Variants in CTNNA2 observed in about 807,000 individuals in gnomAD.
CTNNA2 encodes the protein catenin alpha-2.
CTNNA2 carries 42 observed loss-of-function variants against 101.0 expected under a neutral mutation model. The observed-to-expected ratio is 0.42, with a 90% CI of 0.32 to 0.54. The LOEUF is 0.54. Ranked by LOEUF, CTNNA2 falls within the 20% of genes least tolerant of loss-of-function variation. CTNNA2 has a pLI of 0.14. For missense variants in CTNNA2, 871 were observed against 1,223.1 expected (o/e 0.71, Z 4.29); for synonymous variants, 450 against 456.4 (o/e 0.99, Z 0.18).
At chr2:80,093,943 C>G (rs1699968347) in intron 7 of CTNNA2, among the ~76,000 whole-genome samples, 1 of 151,880 alleles carries the variant, frequency 6.6e-6, no homozygotes, top group South Asian at 2.1e-4. Context: ...AATTTTCTCC[C>G]ATTCTGTAGG....
At chr2:79,376,293 G>T (rs1677974009) in intron 4 of CTNNA2, among the ~76,000 whole-genome samples, 1 of 152,070 alleles carries the variant, frequency 6.6e-6, no homozygotes, top group Non-Finnish European at 1.5e-5. Flanking sequence ...AGCAACGGTG[G>T]GCTGTCCCCA....
At chr2:80,189,535 G>A (rs1326422256) in intron 7 of CTNNA2, among the ~76,000 whole-genome samples, 1 of 152,208 alleles carries the variant, frequency 6.6e-6, no homozygotes, top group Non-Finnish European at 1.5e-5. Flanking sequence ...CAGGACAGTA[G>A]CATTGAGTTC....
chr2:80,434,146 A>G (rs536684155), intron 9 of CTNNA2, among the ~76,000 whole-genome samples: 1 of 152,356 alleles, frequency 6.6e-6, no homozygotes, highest in African/African-American at 2.4e-5. Context: ...AAAAGCATCA[A>G]AGCTAATATT....
intron 3 of CTNNA2, among the ~76,000 whole-genome samples, chr2:79,766,229 C>T (rs758047889): frequency 6.6e-5 from 10 of 152,126 alleles, no homozygotes; most frequent in Admixed American, 4.6e-4. Context: ...TAATGCGGTC[C>T]GTGAGCTTTT....
chr2:80,037,510 T>G (rs1194995338), intron 7 of CTNNA2, among the ~76,000 whole-genome samples: 2 of 152,174 alleles, frequency 1.3e-5, no homozygotes, highest in Admixed American at 6.5e-5. Context: ...TTAATGACAT[T>G]AATAGCTTGA....
At chr2:80,049,428 C>G (rs926153260) in intron 7 of CTNNA2, among the ~76,000 whole-genome samples, 1 of 152,196 alleles carries the variant, frequency 6.6e-6, no homozygotes, top group Admixed American at 6.5e-5. Context: ...CAGTGCTCAA[C>G]AAGTAAAAAT....
At chr2:79,632,510 G>A (rs1183987390) in intron 1 of CTNNA2, among the ~76,000 whole-genome samples, 7 of 152,168 alleles carry the variant, frequency 4.6e-5, no homozygotes, top group Admixed American at 4.6e-4. Flanking sequence ...ATTTACCTAT[G>A]CTAATAAATC....
rs182119766 is a variant in CTNNA2, at chr2:79,592,664, A to G, written c.-5-58888A>G. Among the ~76,000 whole-genome samples, 322 of 152,278 alleles carry G rather than the reference A, an allele frequency of 2.1e-3. 3 individuals are homozygous for G. The highest frequency in any genetic ancestry group is 7.5e-3 in the African/African-American group (311 of 41,550). On this transcript the variant is annotated intron_variant, in intron 1 of 18. Transcript: ENST00000402739. ...AACCTGGCTTGTGGCATGTAATGCT[A>G]TATTAATTTTTGTATGCATCCAGTG... is the stretch of plus-strand genomic sequence containing the variant.
intron 2 of CTNNA2, among the ~76,000 whole-genome samples, chr2:79,212,065 G>C (rs1002645625): frequency 4.6e-5 from 7 of 152,148 alleles, no homozygotes; most frequent in African/African-American, 1.7e-4. Context: ...AGAATTGGGA[G>C]GACCCAGAAC....
intron 2 of CTNNA2, among the ~76,000 whole-genome samples, chr2:79,706,309 G>A (rs773359563): frequency 3.4e-5 from 5 of 146,958 alleles, no homozygotes; most frequent in Non-Finnish European, 7.4e-5. Flanking sequence ...CTTGCAGTGA[G>A]CCGAGATCAC....
intron 4 of CTNNA2, among the ~76,000 whole-genome samples, chr2:79,488,178 C>T (rs977208994): frequency 7.9e-5 from 12 of 151,834 alleles, no homozygotes; most frequent in South Asian, 4.2e-4. Flanking sequence ...ATTAGCTGAC[C>T]GTGGTGGCGC....
Position 79,565,578 on chromosome 2 carries a change from T to C in CTNNA2, c.-6+52371T>C, listed in dbSNP as rs532716895. 1.8e-3 allele frequency among the ~76,000 whole-genome samples: 268 copies of C among 152,274 alleles called. 1 individual carries two copies. The highest frequency in any genetic ancestry group is 6.2e-3 in the African/African-American group (258 of 41,560). Reference sequence around the variant, plus strand: ...GTAGGCTGGAAACTCGCAGAAGTATTTAAGCAATTATTCAGGAGGTAGATA... The same window carrying C: ...GTAGGCTGGAAACTCGCAGAAGTATCTAAGCAATTATTCAGGAGGTAGATA... On this transcript the variant is annotated intron_variant, in intron 1 of 18. Coordinates refer to ENST00000402739, the MANE Select transcript of CTNNA2 (RefSeq NM_001282597.3).
At chr2:79,879,447 A>T (rs544705625) in intron 6 of CTNNA2, among the ~76,000 whole-genome samples, 10 of 152,150 alleles carry the variant, frequency 6.6e-5, no homozygotes, top group Non-Finnish European at 1.3e-4. Flanking sequence ...CTTCCTATCC[A>T]TGAGGTTGGA....
At chr2:80,226,660 G>A (rs1057411882) in intron 7 of CTNNA2, among the ~76,000 whole-genome samples, 7 of 152,006 alleles carry the variant, frequency 4.6e-5, no homozygotes, top group East Asian at 1.9e-4. Context: ...TTTTTCCCTC[G>A]AGCTTGAATT....
At chr2:80,014,964 G>A (rs1558729801) in intron 7 of CTNNA2, among the ~76,000 whole-genome samples, 1 of 152,106 alleles carries the variant, frequency 6.6e-6, no homozygotes, top group African/African-American at 2.4e-5. Context: ...GATGTGGGGT[G>A]GTCAAAATTA....
intron 9 of CTNNA2, among the ~76,000 whole-genome samples, chr2:80,472,179 G>A (rs1685361429): frequency 6.6e-6 from 1 of 152,114 alleles, no homozygotes; most frequent in Non-Finnish European, 1.5e-5. Flanking sequence ...TGCAGATAAG[G>A]GTGGGGCTTG....
intron 3 of CTNNA2, among the ~76,000 whole-genome samples, chr2:79,756,839 T>C (rs944310194): frequency 6.6e-6 from 1 of 152,158 alleles, no homozygotes; most frequent in Non-Finnish European, 1.5e-5. Flanking sequence ...TCATTTGTGA[T>C]TGGGGAAATG....
intron 1 of CTNNA2, among the ~76,000 whole-genome samples, chr2:79,645,636 A>C (rs1389425549): frequency 2.6e-5 from 4 of 152,168 alleles, no homozygotes; most frequent in Non-Finnish European, 5.9e-5. Flanking sequence ...TGAGATTTCC[A>C]GTGGCATCCC....
chr2:80,081,016 G>T lies in CTNNA2; in HGVS notation c.1056+171219G>T, dbSNP rs974851917. On this transcript the variant is annotated intron_variant, in intron 7 of 18. Coordinates refer to ENST00000402739, the MANE Select transcript of CTNNA2 (RefSeq NM_001282597.3). The stretch of plus-strand genomic sequence containing the variant: ...CAGATACATGGGACATACTTTATAC[G>T]TGTGGAACCAGTTATAGAAATGCCG... 2.0e-5 allele frequency among the ~76,000 whole-genome samples: 3 copies of T among 146,450 alleles called. No homozygotes were observed. The Admixed American group carries it at 2.1e-4, about 10-fold the overall frequency.
Sources: allele counts gnomAD v4.1 joint callset (sites outside exome capture counted in the v4.1 genomes callset), GRCh38; gene constraint gnomAD v4.1.1; transcripts MANE v1.5; gene names NCBI Gene and HGNC (gene_info 2026-07-23, HGNC 2026-07-21).